EPHB1: variants seen among roughly 807,000 people sequenced by gnomAD.
EPHB1 encodes EPH receptor B1.
A neutral mutation model predicts 94.4 loss-of-function variants in EPHB1; 30 were observed. That is an observed-to-expected ratio of 0.32 (90% CI 0.24 to 0.43). EPHB1 has a LOEUF of 0.43. EPHB1 is among the 20% of genes least tolerant of loss of function. The pLI is 1.00. For missense variants in EPHB1, 1,055 were observed against 1,308.3 expected, an observed-to-expected ratio of 0.81 and a Z score of 2.99; for synonymous variants, 522 against 489.1, an observed-to-expected ratio of 1.07 and a Z score of -0.89.
intron 3 of EPHB1, among the ~76,000 whole-genome samples, chr3:135,001,765 T>G (rs1323625862): frequency 6.6e-6 from 1 of 152,198 alleles, no homozygotes; most frequent in African/African-American, 2.4e-5. Flanking sequence ...TTCCTCATAA[T>G]GTATCTTATA....
chr3:134,816,855 C>T (rs980173099), intron 1 of EPHB1, among the ~76,000 whole-genome samples: 8 of 151,992 alleles, frequency 5.3e-5, no homozygotes, highest in Non-Finnish European at 8.8e-5. Context: ...GAGTCGCAGG[C>T]GTCTCAGTGG....
At chr3:135,251,143 A>G (rs967746461) in intron 15 of EPHB1, among the ~76,000 whole-genome samples, 4 of 152,168 alleles carry the variant, frequency 2.6e-5, no homozygotes, top group Non-Finnish European at 5.9e-5. Flanking sequence ...GAACATCAGA[A>G]TACATTTCTT....
chr3:135,043,625 G>A (rs1936916086), intron 3 of EPHB1, among the ~76,000 whole-genome samples: 3 of 152,210 alleles, frequency 2.0e-5, no homozygotes, highest in Admixed American at 2.0e-4. Context: ...TGTCTGGTTT[G>A]TGACTGCCTG....
chr3:134,840,382 C>T (rs1421732158), intron 1 of EPHB1: 6 of 152,164 alleles, frequency 3.9e-5, no homozygotes, highest in Non-Finnish European at 5.9e-5. Flanking sequence ...ATTGCCTCAT[C>T]TTCTGGATTT....
intron 3 of EPHB1, among the ~76,000 whole-genome samples, chr3:134,970,594 ATG>A (rs1167201534): frequency 2.6e-5 from 4 of 152,018 alleles, no homozygotes; most frequent in Admixed American, 6.6e-5. Flanking sequence ...TTGAGTGTGT[ATG>A]TGTGTGTGTA....
At chr3:134,958,994 A>G (rs756794001) in intron 3 of EPHB1, among the ~76,000 whole-genome samples, 1 of 152,192 alleles carries the variant, frequency 6.6e-6, no homozygotes, top group Non-Finnish European at 1.5e-5. Flanking sequence ...TTCCAGGCCA[A>G]TGTTAGAGCT....
chr3:134,839,075 A>G (rs989480843), intron 1 of EPHB1, among the ~76,000 whole-genome samples: 1 of 152,220 alleles, frequency 6.6e-6, no homozygotes, highest in East Asian at 1.9e-4. Context: ...AGCGTTTTAT[A>G]TATGTTACCT....
chr3:135,039,790 C>G (rs1020155104), intron 3 of EPHB1, among the ~76,000 whole-genome samples: 1 of 152,224 alleles, frequency 6.6e-6, no homozygotes. Flanking sequence ...CACGCAGCCC[C>G]GGTTCCCGCT....
At chr3:135,138,502 A>G (rs1184668271) in intron 5 of EPHB1, among the ~76,000 whole-genome samples, 2 of 152,368 alleles carry the variant, frequency 1.3e-5, no homozygotes, top group South Asian at 2.1e-4. Context: ...GAGGAAAGAT[A>G]TTATGTAAAT....
chr3:135,116,174 A>T (rs1488739134), intron 4 of EPHB1, among the ~76,000 whole-genome samples: 1 of 152,242 alleles, frequency 6.6e-6, no homozygotes, highest in Non-Finnish European at 1.5e-5. Flanking sequence ...AGATCGTGCC[A>T]CTGCACTCCA....
intron 3 of EPHB1, among the ~76,000 whole-genome samples, chr3:135,080,106 G>A (rs566744835): frequency 6.6e-6 from 1 of 152,172 alleles, no homozygotes; most frequent in Non-Finnish European, 1.5e-5. Flanking sequence ...CTGTAGCAAC[G>A]CTGCCTCCCT....
intron 9 of EPHB1, among the ~76,000 whole-genome samples, chr3:135,169,339 G>A (rs930623715): frequency 1.3e-5 from 2 of 152,076 alleles, no homozygotes; most frequent in Admixed American, 1.3e-4. Flanking sequence ...GTGGGTCTGG[G>A]TTCACTCCCT....
At chr3:135,210,867 T>C (rs1333554675) in intron 12 of EPHB1, among the ~76,000 whole-genome samples, 1 of 152,088 alleles carries the variant, frequency 6.6e-6, no homozygotes, top group East Asian at 1.9e-4. Flanking sequence ...TCTTTTCCTC[T>C]CAAAGGCCCA....
intron 3 of EPHB1, among the ~76,000 whole-genome samples, chr3:135,082,683 C>T (rs756073689): frequency 4.6e-5 from 7 of 152,194 alleles, no homozygotes; most frequent in Non-Finnish European, 1.0e-4. Flanking sequence ...GAGAGAAGGA[C>T]ACCCCAGATA....
At chr3:134,978,103 A>G (rs1934258461) in intron 3 of EPHB1, 6 of 414,270 alleles carry the variant, frequency 1.4e-5, no homozygotes, top group South Asian at 1.1e-4. Context: ...AGCCTCAAAA[A>G]TGGAAGATCC....
chr3:135,037,111 G>C lies in EPHB1; in HGVS notation c.806-69337G>C, dbSNP rs369347198. 3.9e-5 allele frequency among the ~76,000 whole-genome samples: 6 copies of C among 152,314 alleles called. No individual in the cohort carries two copies. In the East Asian group the frequency reaches 9.6e-4, roughly 24 times the overall value. ...CCTCATCCCAGGCCCAGTAATGAGA[G>C]AATTAGCACATGCTGAAGAGCTAGA... On this transcript the variant is annotated intron_variant, in intron 3 of 15. Coordinates refer to ENST00000398015, the MANE Select transcript of EPHB1 (RefSeq NM_004441.5).
At chr3:134,830,658 A>T (rs182360658) in intron 1 of EPHB1, among the ~76,000 whole-genome samples, 1 of 151,972 alleles carries the variant, frequency 6.6e-6, no homozygotes, top group Non-Finnish European at 1.5e-5. Flanking sequence ...TTTCCCTCTC[A>T]AAAACGAAAC....
At chr3:134,945,101 T>G (rs747185121) in intron 2 of EPHB1, among the ~76,000 whole-genome samples, 19 of 152,236 alleles carry the variant, frequency 1.2e-4, no homozygotes, top group Non-Finnish European at 2.8e-4. Context: ...ATTTTCTATC[T>G]TGTTATTGAC....
At chr3:134,967,332 C>A (rs1374614562) in intron 3 of EPHB1, among the ~76,000 whole-genome samples, 4 of 152,138 alleles carry the variant, frequency 2.6e-5, no homozygotes, top group African/African-American at 9.7e-5. Flanking sequence ...TGGGAAGACA[C>A]ATGCTATGGT....
Sources: allele counts gnomAD v4.1 joint callset (sites outside exome capture counted in the v4.1 genomes callset), GRCh38; gene constraint gnomAD v4.1.1; transcripts MANE v1.5; gene names NCBI Gene and HGNC (gene_info 2026-07-23, HGNC 2026-07-21).